Variants in CLEC2A observed in about 807,000 individuals in gnomAD.
The protein encoded by CLEC2A is C-type lectin domain family 2 member A.
CLEC2A carries 19 observed loss-of-function variants against 18.6 expected under a neutral mutation model. The ratio of observed to expected loss-of-function variants is 1.02; its 90% confidence interval spans 0.71 to 1.50. The LOEUF (loss-of-function observed/expected upper bound fraction) is 1.50. Among genes scored for constraint, CLEC2A ranks in the 40% most tolerant of loss-of-function variants. The pLI, the probability that CLEC2A is intolerant of heterozygous loss-of-function variation, is 0.00. For missense variants in CLEC2A, 190 were observed against 207.9 expected, an observed-to-expected ratio of 0.91 and a Z score of 0.53; for synonymous variants, 74 against 64.0, an observed-to-expected ratio of 1.16 and a Z score of -0.75.
At chr12:9,908,163 G>C (rs772301313) in intron 4 of CLEC2A, among the ~76,000 whole-genome samples, 1 of 152,184 alleles carries the variant, frequency 6.6e-6, no homozygotes, top group Non-Finnish European at 1.5e-5. Flanking sequence ...TACCTCCCCA[G>C]CAGTTTTCAG....
downstream of CLEC2A, among the ~76,000 whole-genome samples, chr12:9,898,035 C>T (rs1454609500): frequency 6.6e-6 from 1 of 152,194 alleles, no homozygotes; most frequent in East Asian, 1.9e-4. Flanking sequence ...TACTAAAATG[C>T]TGTAAGCATA....
intron 3 of CLEC2A, among the ~76,000 whole-genome samples, chr12:9,919,310 A>C (rs577655073): frequency 6.6e-6 from 1 of 152,330 alleles, no homozygotes; most frequent in East Asian, 1.9e-4. Context: ...CAAGTAAGCA[A>C]TCATTCAGTG....
At chr12:9,924,917 A>G (rs906644585) in intron 2 of CLEC2A, among the ~76,000 whole-genome samples, 1 of 152,214 alleles carries the variant, frequency 6.6e-6, no homozygotes, top group African/African-American at 2.4e-5. Flanking sequence ...TCTTCTCTAT[A>G]CCAGAAGGAA....
At position 9,913,666 on chromosome 12, in the gene CLEC2A, C is replaced by T; in HGVS notation, c.425G>A (p.Gly142Glu). 6.5e-7 allele frequency: 1 copy of T among 1,545,952 alleles called. No individual in the cohort carries two copies. Among genetic ancestry groups the T allele is most frequent in the Non-Finnish European group, 8.7e-7 (1 of 1,145,608 alleles). The stretch of plus-strand genomic sequence containing the variant: ...ACTCAAGAAAGCAAAGGATCCGTTC[C>T]CTATAATTTCAAACCTGAAAAAGAA... ...TTFNGWFEII[G>E]NGSFAFLSAD... The change falls in exon 5 of 5, where the codon GGG (glycine) becomes GAG (glutamate). Residue 142 changes from glycine to glutamate, a missense_variant. Coordinates refer to ENST00000455827, the MANE Select transcript of CLEC2A (RefSeq NM_001130711.2).
At chr12:9,916,240 TA>T (rs2137036861) in intron 4 of CLEC2A, among the ~76,000 whole-genome samples, 1 of 152,066 alleles carries the variant, frequency 6.6e-6, no homozygotes, top group Admixed American at 6.5e-5. Flanking sequence ...AAGCAACAAA[TA>T]AATAAAAACA....
chr12:9,881,552 T>TGGATAA, the CLEC2A span: 1 of 1,353,684 alleles, frequency 7.4e-7, no homozygotes, highest in Middle Eastern at 1.8e-4. Flanking sequence ...TTCCATTTTC[T>TGGATAA]TTGTACTATT....
chr12:9,881,662 A>G, the CLEC2A span: 1 of 1,533,446 alleles, frequency 6.5e-7, no homozygotes, highest in Non-Finnish European at 8.7e-7. Context: ...GCAGAAATCT[A>G]AAGGTAGGAA....
chr12:9,905,488 C>T (rs1862894092), intron 4 of CLEC2A, among the ~76,000 whole-genome samples: 1 of 152,192 alleles, frequency 6.6e-6, no homozygotes, highest in African/African-American at 2.4e-5. Context: ...ATAGGAATAT[C>T]AGCAGTGGAG....
At chr12:9,927,474 T>C (rs76009084) in intron 1 of CLEC2A, among the ~76,000 whole-genome samples, 3 of 152,142 alleles carry the variant, frequency 2.0e-5, no homozygotes, top group Non-Finnish European at 4.4e-5. Flanking sequence ...ATTATATATA[T>C]GTATGCATGC....
chr12:9,902,676 G>A (rs1458303301), intron 4 of CLEC2A, among the ~76,000 whole-genome samples: 2 of 151,904 alleles, frequency 1.3e-5, no homozygotes, highest in African/African-American at 4.8e-5. Flanking sequence ...CAAGTGCTCA[G>A]TGCCACAAAG....
rs1055256711 is a variant in CLEC2A, at chr12:9,922,086, T to C, written c.286A>G (p.Ile96Val). The C allele has an allele frequency of 1.3e-6, 2 of 1,548,552 alleles. No individual in the cohort carries two copies. The highest frequency in any genetic ancestry group is 2.7e-5 in the African/African-American group (2 of 73,016). ...CTTACCATGTCTTCTTGTGTATCAA[T>C]CTGAGCAAGTTCTGCTTTCTGCAAA... is the stretch of plus-strand genomic sequence containing the variant. ...CSLQKAELAQIDTQEDMEFLK... is the reference protein window; with the variant it reads ...CSLQKAELAQVDTQEDMEFLK... Residue 96 changes from isoleucine to valine, a missense_variant, in exon 3 of 5, where the codon ATT becomes GTT. Physicochemically the swap from Ile to Val is conservative, Grantham distance 29. Coordinates refer to ENST00000455827, the MANE Select transcript of CLEC2A (RefSeq NM_001130711.2).
At chr12:9,903,719 G>A (rs928843688) in intron 4 of CLEC2A, among the ~76,000 whole-genome samples, 9 of 152,230 alleles carry the variant, frequency 5.9e-5, no homozygotes, top group African/African-American at 2.2e-4. Context: ...ATTGTTGCTG[G>A]TTGTAATAGA....
At chr12:9,925,559 T>G (rs1256101075) in intron 2 of CLEC2A, among the ~76,000 whole-genome samples, 1 of 152,204 alleles carries the variant, frequency 6.6e-6, no homozygotes, top group Admixed American at 6.5e-5. Flanking sequence ...TAAATACAAA[T>G]AGCAGAGCAT....
At chr12:9,912,937 C>T (rs1049415177), downstream of CLEC2A, among the ~76,000 whole-genome samples, 2 of 152,164 alleles carry the variant, frequency 1.3e-5, no homozygotes, top group African/African-American at 4.8e-5. Context: ...ACTCACATTC[C>T]TACTTGTTCT....
the CLEC2A span, among the ~76,000 whole-genome samples, chr12:9,877,797 G>A: frequency 3.9e-5 from 6 of 152,150 alleles, no homozygotes; most frequent in East Asian, 3.8e-4. Context: ...TAGAACTGTG[G>A]CTGTAGCATA....
At chr12:9,901,078 GCAAAA>G (rs1156855896) in intron 4 of CLEC2A, among the ~76,000 whole-genome samples, 1 of 152,100 alleles carries the variant, frequency 6.6e-6, no homozygotes, top group East Asian at 1.9e-4. Context: ...TGTTGACTCT[GCAAAA>G]CAAAACAAGG....
intron 4 of CLEC2A, among the ~76,000 whole-genome samples, chr12:9,902,803 T>A (rs1401443848): frequency 6.6e-6 from 1 of 152,174 alleles, no homozygotes; most frequent in Non-Finnish European, 1.5e-5. Context: ...GTAAGGGTTT[T>A]TATTCCTAAT....
At chr12:9,922,404 T>C (rs1349544101) in intron 2 of CLEC2A, among the ~76,000 whole-genome samples, 172 bp from the exon 3 acceptor site, 2 of 152,184 alleles carry the variant, frequency 1.3e-5, no homozygotes, top group African/African-American at 4.8e-5. Flanking sequence ...GGAAGATCAT[T>C]TAGTGATCAA....
the CLEC2A span, among the ~76,000 whole-genome samples, chr12:9,892,811 C>T: frequency 0.012 from 1,849 of 151,210 alleles, 43 homozygotes; most frequent in African/African-American, 0.041. Flanking sequence ...CTTGAACTCC[C>T]GACCTCAGGT....
Sources: allele counts gnomAD v4.1 joint callset (sites outside exome capture counted in the v4.1 genomes callset), GRCh38; gene constraint gnomAD v4.1.1; transcripts MANE v1.5; gene names NCBI Gene and HGNC (gene_info 2026-07-23, HGNC 2026-07-21).